The following RNF38 variants were observed in gnomAD, a reference collection of about 807,000 sequenced individuals.
The protein encoded by RNF38 is E3 ubiquitin-protein ligase RNF38.
Under a neutral mutation model 67.2 loss-of-function variants are expected in RNF38, and 15 were observed. That is an observed-to-expected ratio of 0.22 (90% CI 0.15 to 0.34). RNF38 has a LOEUF of 0.34. RNF38 is among the 10% of genes least tolerant of loss of function. The pLI, the probability that RNF38 is intolerant of heterozygous loss-of-function variation, is 1.00. For missense variants in RNF38, 524 were observed against 639.9 expected, an observed-to-expected ratio of 0.82 and a Z score of 1.95; for synonymous variants, 220 against 218.8, an observed-to-expected ratio of 1.01 and a Z score of -0.05.
chr9:36,345,473 C>G (rs1301363841), intron 9 of RNF38, among the ~76,000 whole-genome samples: 1 of 152,182 alleles, frequency 6.6e-6, no homozygotes, highest in African/African-American at 2.4e-5. Flanking sequence ...TGTTTTGCAG[C>G]ATTCCTGGCC....
chr9:36,400,436 A>G, upstream of RNF38: 2 of 1,085,290 alleles, frequency 1.8e-6, no homozygotes, highest in Non-Finnish European at 2.2e-6. Context: ...GGGAACAAAG[A>G]GCGCCGGGCG....
At chr9:36,419,185 A>G (rs1465307379) in intron 2 of RNF38, among the ~76,000 whole-genome samples, 3 of 152,186 alleles carry the variant, frequency 2.0e-5, no homozygotes. Context: ...ATATAACGCA[A>G]ATATACAAAA....
intron 4 of RNF38, among the ~76,000 whole-genome samples, 196 bp downstream of exon 4, chr9:36,369,523 A>C (rs547083191): frequency 1.1e-4 from 17 of 152,236 alleles, no homozygotes; most frequent in African/African-American, 3.9e-4. Context: ...GGCCGATACT[A>C]ATTTTTTAAG....
intron 1 of RNF38, among the ~76,000 whole-genome samples, chr9:36,432,796 AAAC>A (rs1486442411): frequency 6.6e-6 from 1 of 152,144 alleles, no homozygotes; most frequent in Non-Finnish European, 1.5e-5. Flanking sequence ...AACAAAAACA[AAAC>A]AAAAAAACAA....
At chr9:36,478,431 T>C (rs1392569124) in intron 1 of RNF38, among the ~76,000 whole-genome samples, 1 of 143,402 alleles carries the variant, frequency 7.0e-6, no homozygotes, top group African/African-American at 2.6e-5. Context: ...AAAGAGAGCG[T>C]TTATTAAGCA....
intron 1 of RNF38, among the ~76,000 whole-genome samples, chr9:36,453,300 A>G (rs891734497): frequency 9.9e-5 from 15 of 152,102 alleles, no homozygotes; most frequent in African/African-American, 3.1e-4. Context: ...TGCAGCCTCA[A>G]AGTCCCAGAA....
chr9:36,355,948 G>C (rs1452401094), intron 6 of RNF38, among the ~76,000 whole-genome samples: 1 of 152,130 alleles, frequency 6.6e-6, no homozygotes, highest in East Asian at 1.9e-4. Context: ...CTGGATTCAA[G>C]CGATTCTCAT....
intron 2 of RNF38, among the ~76,000 whole-genome samples, chr9:36,416,940 T>C (rs768515573): frequency 7.9e-5 from 12 of 151,842 alleles, no homozygotes; most frequent in Admixed American, 2.0e-4. Context: ...TTAGTAGAGA[T>C]AGGATTTCGC....
At chr9:36,396,206 C>T (rs1255931623) in intron 1 of RNF38, among the ~76,000 whole-genome samples, 1 of 152,208 alleles carries the variant, frequency 6.6e-6, no homozygotes, top group Non-Finnish European at 1.5e-5. Context: ...ATGTAACAGC[C>T]TGCCTTTCTG....
rs187416750 is a variant in RNF38, at chr9:36,434,010, G to A, written n.242-9327C>T. On this transcript the variant is annotated intron_variant and non_coding_transcript_variant, in intron 1 of 3. Transcript: ENST00000488058. The stretch of plus-strand genomic sequence containing the variant: ...TTCCAGACTTAGGGAGGCCAAGGCA[G>A]GTGGATCACAAGGTAAGGAGATGGA... 4.6e-5 allele frequency among the ~76,000 whole-genome samples: 7 copies of A among 151,910 alleles called. No individual in the cohort carries two copies. In the East Asian group the frequency reaches 1.2e-3, roughly 25 times the overall value.
upstream of RNF38, among the ~76,000 whole-genome samples, chr9:36,403,994 G>A (rs1342933998): frequency 6.6e-6 from 1 of 152,016 alleles, no homozygotes; most frequent in Admixed American, 6.6e-5. Flanking sequence ...GTTTCTAGTT[G>A]CTGTCATTAT....
chr9:36,382,898 T>C (rs1836313480), intron 2 of RNF38, among the ~76,000 whole-genome samples: 1 of 152,106 alleles, frequency 6.6e-6, no homozygotes, highest in South Asian at 2.1e-4. Flanking sequence ...TATTCCACAA[T>C]TAAGGAAAAA....
intron 10 of RNF38, among the ~76,000 whole-genome samples, chr9:36,343,154 T>C (rs1005192960): frequency 6.6e-6 from 1 of 152,206 alleles, no homozygotes; most frequent in African/African-American, 2.4e-5. Context: ...TATTTTTTCC[T>C]GAATATTTTC....
At chr9:36,378,376 CCTTGTTAGCTAGGATGGT>C in intron 2 of RNF38, among the ~76,000 whole-genome samples, 1 of 152,146 alleles carries the variant, frequency 6.6e-6, no homozygotes, top group South Asian at 2.1e-4. Flanking sequence ...CGGGGTTTCA[CCTTGTTAGCTAGGATGGT>C]CTTGATCTCC....
At chr9:36,400,873 C>G, upstream of RNF38, 1 of 984,824 alleles carries the variant, frequency 1.0e-6, no homozygotes. Flanking sequence ...CAACACCGCA[C>G]TAGGGGCCCG....
At chr9:36,465,200 G>A (rs1419025368) in intron 1 of RNF38, among the ~76,000 whole-genome samples, 1 of 152,174 alleles carries the variant, frequency 6.6e-6, no homozygotes, top group Non-Finnish European at 1.5e-5. Flanking sequence ...AAACAGCACG[G>A]CAGTTCCTCA....
intron 1 of RNF38, among the ~76,000 whole-genome samples, chr9:36,444,919 CTTTTTT>C (rs34369319): frequency 7.5e-6 from 1 of 133,448 alleles, no homozygotes; most frequent in Non-Finnish European, 1.6e-5. Flanking sequence ...GAGCCATTCT[CTTTTTT>C]TTTTTTTTTT....
At chr9:36,443,891 T>A (rs1839248656) in intron 1 of RNF38, among the ~76,000 whole-genome samples, 1 of 152,072 alleles carries the variant, frequency 6.6e-6, no homozygotes, top group Non-Finnish European at 1.5e-5. Flanking sequence ...AGAGACAAAA[T>A]TAACTACAGT....
At chr9:36,365,945 A>T (rs961911411) in intron 4 of RNF38, among the ~76,000 whole-genome samples, 1 of 152,202 alleles carries the variant, frequency 6.6e-6, no homozygotes, top group African/African-American at 2.4e-5. Flanking sequence ...GATTACAGGC[A>T]CGAGCCACTG....
Sources: allele counts gnomAD v4.1 joint callset (sites outside exome capture counted in the v4.1 genomes callset), GRCh38; gene constraint gnomAD v4.1.1; transcripts MANE v1.5; gene names NCBI Gene and HGNC (gene_info 2026-07-23, HGNC 2026-07-21).